C13orf46: variants seen among roughly 807,000 people sequenced by gnomAD.
The protein encoded by C13orf46 is chromosome 13 open reading frame 46.
At chr13:113,952,728 C>G (rs1011897885), downstream of C13orf46, among the ~76,000 whole-genome samples, 17 of 152,206 alleles carry the variant, frequency 1.1e-4, no homozygotes, top group African/African-American at 4.1e-4. Flanking sequence ...CCCTGGATGT[C>G]ACCACAGCTG....
chr13:113,950,454 C>T (rs1279112899), downstream of C13orf46, among the ~76,000 whole-genome samples: 1 of 151,974 alleles, frequency 6.6e-6, no homozygotes, highest in African/African-American at 2.4e-5. Context: ...TCCTCACCCC[C>T]TGCCTTGGGC....
At chr13:113,961,334 T>C (rs2052584974) in intron 6 of C13orf46, among the ~76,000 whole-genome samples, 1 of 151,916 alleles carries the variant, frequency 6.6e-6, no homozygotes, top group East Asian at 1.9e-4. Context: ...TAATGTCCAA[T>C]TGTAAACTAT....
the C13orf46 span, among the ~76,000 whole-genome samples, chr13:113,940,278 C>T: frequency 1.3e-5 from 2 of 152,252 alleles, no homozygotes; most frequent in Admixed American, 6.5e-5. Flanking sequence ...CTAGACCCTG[C>T]GGTGCTGCCG....
intron 1 of C13orf46, among the ~76,000 whole-genome samples, chr13:113,971,930 G>A (rs957253648): frequency 8.5e-5 from 13 of 152,194 alleles, no homozygotes; most frequent in African/African-American, 2.9e-4. Flanking sequence ...GGGAGGATGC[G>A]CTCCTGGGCC....
chr13:113,959,650 G>T (rs905253525), intron 6 of C13orf46, among the ~76,000 whole-genome samples: 5,834 of 152,266 alleles, frequency 0.038, 159 homozygotes, highest in Middle Eastern at 0.099. Flanking sequence ...GCTTTCTAAG[G>T]CTGTCACTGG....
chr13:113,937,798 C>T, the C13orf46 span, among the ~76,000 whole-genome samples: 1 of 152,116 alleles, frequency 6.6e-6, no homozygotes, highest in African/African-American at 2.4e-5. Flanking sequence ...TCTGATTAGC[C>T]TTTTACGGAA....
chr13:113,968,199 G>A (rs901851098), intron 4 of C13orf46, among the ~76,000 whole-genome samples: 48 of 152,292 alleles, frequency 3.2e-4, no homozygotes, highest in African/African-American at 9.1e-4. Flanking sequence ...GTCAAGCTGA[G>A]GGCACCTCCT....
At chr13:113,932,122 T>C in the C13orf46 span, among the ~76,000 whole-genome samples, 2 of 152,216 alleles carry the variant, frequency 1.3e-5, no homozygotes, top group Non-Finnish European at 2.9e-5. Flanking sequence ...GGAGCACTAG[T>C]TGCATGGGTG....
chr13:113,945,620 GAAAGAAAGA>G, the C13orf46 span, among the ~76,000 whole-genome samples: 16 of 119,606 alleles, frequency 1.3e-4, no homozygotes, highest in South Asian at 2.7e-4. Flanking sequence ...AAGAAAGAAA[GAAAGAAAGA>G]AAGAAAGAAA....
chr13:113,949,043 C>T (rs1266275267), downstream of C13orf46, among the ~76,000 whole-genome samples: 3 of 152,204 alleles, frequency 2.0e-5, no homozygotes, highest in East Asian at 1.9e-4. Context: ...CCTCACCGCC[C>T]CCACTCCTGG....
At chr13:113,944,151 G>A in the C13orf46 span, among the ~76,000 whole-genome samples, 41 of 152,276 alleles carry the variant, frequency 2.7e-4, no homozygotes, top group African/African-American at 9.4e-4. Flanking sequence ...CCAGACACAA[G>A]CCCCTCAGGT....
In C13orf46 at chr13:113,956,250, G is replaced by A. The variant is rs924858632; in HGVS notation, c.*523C>T. ...ATCTCGAGGAGACGAGGAGCATCTCGACGAGAGGAGGAACATCCGGTGGAG... is the reference window on the plus strand; with the variant it reads ...ATCTCGAGGAGACGAGGAGCATCTCAACGAGAGGAGGAACATCCGGTGGAG... On this transcript the variant is annotated 3_prime_UTR_variant, in exon 7 of 7. Transcript: ENST00000636427. 3.9e-3 allele frequency: 613 copies of A among 155,836 alleles called. 12 individuals are homozygous for A. In the East Asian group the frequency reaches 0.056, roughly 14 times the overall value. The allele number at this position is 155,836 out of a possible 1,614,324, so 9.7% of individuals were successfully genotyped here.
At chr13:113,953,356 A>T (rs1175432625), downstream of C13orf46, among the ~76,000 whole-genome samples, 1 of 152,184 alleles carries the variant, frequency 6.6e-6, no homozygotes, top group Non-Finnish European at 1.5e-5. Flanking sequence ...GAGGAGCAGC[A>T]CGTGGAACTT....
the C13orf46 span, among the ~76,000 whole-genome samples, chr13:113,937,601 G>A: frequency 6.6e-5 from 10 of 152,258 alleles, no homozygotes; most frequent in South Asian, 2.1e-4. Flanking sequence ...CACAGCCTCC[G>A]GAGGTCCTGA....
the C13orf46 span, among the ~76,000 whole-genome samples, chr13:113,935,283 C>T: frequency 6.6e-5 from 10 of 152,244 alleles, no homozygotes; most frequent in Non-Finnish European, 1.3e-4. Flanking sequence ...TGGAAAACAG[C>T]TCTGGAAAGC....
At chr13:113,973,254 T>C (rs1028778959) in intron 1 of C13orf46, among the ~76,000 whole-genome samples, 18 of 152,294 alleles carry the variant, frequency 1.2e-4, no homozygotes, top group Non-Finnish European at 2.1e-4. Context: ...CTAAGCAGTT[T>C]TGTGGAGTTT....
At chr13:113,932,682 A>T in the C13orf46 span, among the ~76,000 whole-genome samples, 1 of 152,200 alleles carries the variant, frequency 6.6e-6, no homozygotes, top group East Asian at 1.9e-4. Flanking sequence ...GCCTCTTTAT[A>T]GTGTCTCTTA....
chr13:113,929,696 C>T, the C13orf46 span, among the ~76,000 whole-genome samples: 67 of 152,356 alleles, frequency 4.4e-4, no homozygotes, highest in African/African-American at 1.5e-3. Flanking sequence ...GGGTGACCCG[C>T]TGTGCCACAA....
At chr13:113,970,010 G>A (rs2052687385) in intron 2 of C13orf46, among the ~76,000 whole-genome samples, 161 bp downstream of exon 2, 1 of 152,030 alleles carries the variant, frequency 6.6e-6, no homozygotes, top group Non-Finnish European at 1.5e-5. Flanking sequence ...TCCCATCCAG[G>A]CCCTGCGCGG....
Sources: allele counts gnomAD v4.1 joint callset (sites outside exome capture counted in the v4.1 genomes callset), GRCh38; gene constraint gnomAD v4.1.1; transcripts MANE v1.5; gene names NCBI Gene and HGNC (gene_info 2026-07-23, HGNC 2026-07-21).